Variants in ARMC6 observed in about 807,000 individuals in gnomAD.
ARMC6 encodes the protein armadillo repeat-containing protein 6.
ARMC6 carries 43 observed loss-of-function variants against 49.2 expected under a neutral mutation model. The ratio of observed to expected loss-of-function variants is 0.87; its 90% CI spans 0.69 to 1.13. The LOEUF (loss-of-function observed/expected upper bound fraction) is 1.13. Ranked by LOEUF, ARMC6 falls within the 50% of genes most tolerant of loss-of-function variation. The probability of loss-of-function intolerance (pLI) is 0.00; values close to 1 mark genes in which losing one functional copy is unlikely to be tolerated. For synonymous variants in ARMC6, 262 were observed against 289.6 expected, an observed-to-expected ratio of 0.90 and a Z score of 0.97; for missense variants, 627 against 682.0, an observed-to-expected ratio of 0.92 and a Z score of 0.90.
chr19:19,033,656 C>T lies in ARMC6; in HGVS notation c.-354C>T, dbSNP rs1000800274. ...TGTCCGCTTCTTCTGGGCGGACGCT[C>T]TGGAGGCAAAACATTTCCCTGCTGG... On this transcript the variant is annotated 5_prime_UTR_variant, in exon 1 of 9. Transcript: ENST00000535612. 2 of 892,342 alleles carry T rather than the reference C, an allele frequency of 2.2e-6. No homozygotes were observed. The highest frequency in any genetic ancestry group is 4.9e-5 in the Admixed American group (1 of 20,498). 55.3% of individuals were successfully genotyped at this position (892,342 alleles called of 1,614,324 possible).
Position 19,058,031 on chromosome 19 carries a change from C to T in ARMC6, c.*403C>T. 3.1e-6 allele frequency: 1 copy of T among 322,268 alleles called. No homozygotes were observed. Among genetic ancestry groups the T allele is most frequent in the Non-Finnish European group, 6.0e-6 (1 of 165,516 alleles). 20.0% of individuals were successfully genotyped at this position (322,268 alleles called of 1,614,324 possible). ...GCCCCCTGGCGCCTGCTGCTTACTG[C>T]AGTTTCATGCAGGCCTCTGCTCCTT... is the stretch of plus-strand genomic sequence containing the variant. On this transcript the variant is annotated 3_prime_UTR_variant, in exon 9 of 9. Coordinates refer to ENST00000535612, the MANE Select transcript of ARMC6 (RefSeq NM_001199196.2).
intron 4 of ARMC6, among the ~76,000 whole-genome samples, chr19:19,050,699 CT>C (rs1159743247): frequency 1.3e-5 from 2 of 151,998 alleles, no homozygotes; most frequent in Non-Finnish European, 2.9e-5. Context: ...AAAAACTTAC[CT>C]TTTTAAATAT....
chr19:19,055,740 G>C lies in ARMC6; in HGVS notation c.1156-51G>C, dbSNP rs531712659. 9 of 1,523,498 alleles carry C rather than the reference G, an allele frequency of 5.9e-6. No homozygotes were observed. The African/African-American group carries it at 8.2e-5, about 14-fold the overall frequency. 94.4% of individuals were successfully genotyped at this position (1,523,498 alleles called of 1,614,324 possible). A position where few individuals can be genotyped will look rare whatever the true frequency, so the allele number is the denominator to read the frequency against. On this transcript the variant is annotated intron_variant, in intron 7 of 8. Coordinates refer to ENST00000535612, the MANE Select transcript of ARMC6 (RefSeq NM_001199196.2). This position sits in a 1 kb window ranked among gnomAD's most constrained non-coding sequence, Gnocchi z 5.7. ...GGGTTGGTGGCCATGGCAGGATGTT[G>C]TGGGGGGTCTATCTGCTGCATCTCA... is the stretch of plus-strand genomic sequence containing the variant.
rs1480874061 is a variant in ARMC6, at chr19:19,055,061, G to T, written c.1024-204G>T. 6.6e-6 allele frequency among the ~76,000 whole-genome samples: 1 copy of T among 152,198 alleles called. No individual in the cohort carries two copies. The highest frequency in any genetic ancestry group is 1.9e-4 in the East Asian group (1 of 5,188). ...ACATGCCCCCGCTGCCCCTGTCGGG[G>T]TAGGGGATCAAGTCACCTGGATGGT... On this transcript the variant is annotated intron_variant, in intron 6 of 8. Coordinates refer to ENST00000535612, the MANE Select transcript of ARMC6 (RefSeq NM_001199196.2). This position sits in a 1 kb window ranked among gnomAD's most constrained non-coding sequence, Gnocchi z 5.7.
chr19:19,034,054 C>T, intron 1 of ARMC6, 77 bp from the exon 2 acceptor site: 1 of 611,294 alleles, frequency 1.6e-6, no homozygotes, highest in South Asian at 1.9e-5. Flanking sequence ...AAGAATTTTA[C>T]AGAAGCCGCC....
At chr19:19,043,827 C>T (rs909761829) in intron 3 of ARMC6, among the ~76,000 whole-genome samples, 165 bp from the exon 4 acceptor site, 2 of 152,138 alleles carry the variant, frequency 1.3e-5, no homozygotes, top group Non-Finnish European at 2.9e-5. Flanking sequence ...ACCCTCTACA[C>T]CCCCGTGATG....
At chr19:19,048,119 G>A (rs1445780991) in intron 4 of ARMC6, among the ~76,000 whole-genome samples, 1 of 152,112 alleles carries the variant, frequency 6.6e-6, no homozygotes, top group Non-Finnish European at 1.5e-5. Context: ...GCCCAGGCAG[G>A]TGGATCACCT....
chr19:19,042,922 C>T, intron 3 of ARMC6, 45 bp downstream of exon 3: 1 of 1,605,980 alleles, frequency 6.2e-7, no homozygotes, highest in African/African-American at 1.3e-5. Context: ...CTCTTAGATG[C>T]AAGAGCAGTG....
Position 19,034,162 on chromosome 19 carries a change from G to A in ARMC6, c.-48G>A, listed in dbSNP as rs1268414804. The A allele has an allele frequency of 2.8e-6, 4 of 1,423,888 alleles. No homozygotes were observed. The highest frequency in any genetic ancestry group is 3.9e-6 in the Non-Finnish European group (4 of 1,026,076). 88.2% of individuals were successfully genotyped at this position (1,423,888 alleles called of 1,614,324 possible). A position where few individuals can be genotyped will look rare whatever the true frequency, so the allele number is the denominator to read the frequency against. On this transcript the variant is annotated 5_prime_UTR_variant, in exon 2 of 9. Coordinates refer to ENST00000535612, the MANE Select transcript of ARMC6 (RefSeq NM_001199196.2). ...TGCACTGAGTGCCTGCTGCGTGTCG[G>A]GCCCCGTCCTAGGCAGTGGGGACAA...
chr19:19,040,699 A>T, intron 2 of ARMC6: 1 of 379,682 alleles, frequency 2.6e-6, no homozygotes, highest in Non-Finnish European at 5.3e-6. Context: ...GCCAGGCTGG[A>T]GTGCAATGGC....
Position 19,034,196 on chromosome 19 carries a change from C to T in ARMC6, c.-14C>T, listed in dbSNP as rs1337456159. On this transcript the variant is annotated 5_prime_UTR_variant, in exon 2 of 9. Transcript: ENST00000535612. ...CTAGGCAGTGGGGACAAGGAGGCTA[C>T]AGGGTACAAATAAATGAGTGAACGA... is the stretch of plus-strand genomic sequence containing the variant. 3 of 1,592,722 alleles carry T rather than the reference C, an allele frequency of 1.9e-6. No individual in the cohort carries two copies. The highest frequency in any genetic ancestry group is 2.5e-6 in the Non-Finnish European group (3 of 1,176,696).
chr19:19,042,906 C>T (rs2059421631), intron 3 of ARMC6, 29 bp downstream of exon 3: 2 of 1,611,436 alleles, frequency 1.2e-6, no homozygotes, highest in Non-Finnish European at 1.7e-6. Flanking sequence ...CACCTACCAT[C>T]CTTGGCTCTT....
At chr19:19,043,027 G>A (rs2059422637) in intron 3 of ARMC6, 150 bp downstream of exon 3, 1 of 973,306 alleles carries the variant, frequency 1.0e-6, no homozygotes, top group South Asian at 1.6e-5. Context: ...TTCTGCCCGA[G>A]GCAGGCTGGT....
At chr19:19,035,504 T>A (rs1344746541) in intron 2 of ARMC6, among the ~76,000 whole-genome samples, 1 of 152,220 alleles carries the variant, frequency 6.6e-6, no homozygotes, top group African/African-American at 2.4e-5. Flanking sequence ...TCTTATGTGT[T>A]CCAAATCTGT....
At chr19:19,053,527 T>C (rs1221660948) in intron 5 of ARMC6, among the ~76,000 whole-genome samples, 1 of 152,238 alleles carries the variant, frequency 6.6e-6, no homozygotes, top group Admixed American at 6.5e-5. Flanking sequence ...AGATAGCTGA[T>C]TGTGGATGGT....
intron 2 of ARMC6, 100 bp from the exon 3 acceptor site, chr19:19,042,611 T>G (rs2059419080): frequency 1.6e-6 from 2 of 1,254,862 alleles, no homozygotes. Flanking sequence ...AGGGCTCTGG[T>G]CGCTGGTAGA....
intron 4 of ARMC6, among the ~76,000 whole-genome samples, chr19:19,044,527 T>C (rs995825870): frequency 1.3e-5 from 2 of 152,238 alleles, no homozygotes; most frequent in African/African-American, 2.4e-5. Context: ...CCTGTCTTAG[T>C]GATGGGGAAA....
At chr19:19,038,881 A>G (rs1047768431) in intron 2 of ARMC6, among the ~76,000 whole-genome samples, 1 of 137,676 alleles carries the variant, frequency 7.3e-6, no homozygotes, top group Admixed American at 7.7e-5. Context: ...TTATTTTATA[A>G]GGTGGGTTTG....
At chr19:19,041,825 C>T (rs567354250) in intron 2 of ARMC6, among the ~76,000 whole-genome samples, 1 of 152,262 alleles carries the variant, frequency 6.6e-6, no homozygotes, top group East Asian at 1.9e-4. Context: ...TTAGAATCTA[C>T]CCTCTTAGCA....
Sources: allele counts gnomAD v4.1 joint callset (sites outside exome capture counted in the v4.1 genomes callset), GRCh38; gene constraint gnomAD v4.1.1; non-coding constraint Gnocchi (gnomAD v3.1); transcripts MANE v1.5; gene names NCBI Gene and HGNC (gene_info 2026-07-23, HGNC 2026-07-21).